MAMDC2: variants seen among roughly 807,000 people sequenced by gnomAD.
MAMDC2 encodes MAM domain containing 2, also known as MAM domain-containing protein 2.
MAMDC2 carries 57 observed loss-of-function variants against 89.8 expected under a neutral mutation model. The observed-to-expected ratio is 0.63, with a 90% CI of 0.51 to 0.79. The LOEUF is 0.79. Ranked by LOEUF, MAMDC2 falls within the 30% of genes least tolerant of loss-of-function variation. The pLI is 0.00. For synonymous variants in MAMDC2, 313 were observed against 293.4 expected (o/e 1.07, Z -0.68); for missense variants, 800 against 820.6 (o/e 0.97, Z 0.31).
chr9:70,104,468 T>C (rs764811552), intron 2 of MAMDC2, among the ~76,000 whole-genome samples: 2 of 152,174 alleles, frequency 1.3e-5, no homozygotes, highest in Admixed American at 6.5e-5. Flanking sequence ...AGTGAAATTT[T>C]TATATACAAA....
chr9:70,163,498 A>T (rs957121187), intron 9 of MAMDC2, among the ~76,000 whole-genome samples: 3 of 152,044 alleles, frequency 2.0e-5, no homozygotes, highest in African/African-American at 7.2e-5. Context: ...AAGTGCTGGG[A>T]TTATAGGCGT....
chr9:70,207,292 T>C (rs1035620274), intron 11 of MAMDC2, among the ~76,000 whole-genome samples: 4 of 151,846 alleles, frequency 2.6e-5, no homozygotes, highest in African/African-American at 7.2e-5. Flanking sequence ...CCAGCACCTT[T>C]TGTTTCCTGA....
At chr9:70,061,524 G>T (rs1013285790) in intron 2 of MAMDC2, among the ~76,000 whole-genome samples, 17 of 152,118 alleles carry the variant, frequency 1.1e-4, no homozygotes, top group African/African-American at 3.9e-4. Context: ...TTCATCCCCT[G>T]TAGGGTCTTA....
rs536151507 is a variant in MAMDC2, at chr9:70,123,210, G to GA, written c.644-2948dup. 1.0e-3 allele frequency among the ~76,000 whole-genome samples: 159 copies of GA among 152,320 alleles called. 1 individual carries two copies. Among genetic ancestry groups the GA allele is most frequent in the Non-Finnish European group, 1.8e-3 (124 of 68,024 alleles). On this transcript the variant is annotated intron_variant, in intron 5 of 13. Coordinates refer to ENST00000377182, the MANE Select transcript of MAMDC2 (RefSeq NM_153267.5). Reference sequence around the variant, plus strand: ...TTTCATTGGTAAGTCATGTTACAAAGAGCAATGAAGACTTCATCTCTGTCT... The same window carrying GA: ...TTTCATTGGTAAGTCATGTTACAAAGAAGCAATGAAGACTTCATCTCTGTCT...
At chr9:70,173,336 CTT>C (rs1175143703) in intron 11 of MAMDC2, among the ~76,000 whole-genome samples, 1 of 152,066 alleles carries the variant, frequency 6.6e-6, no homozygotes, top group African/African-American at 2.4e-5. Flanking sequence ...AGTATTCTGT[CTT>C]ATACACAATA....
At chr9:70,077,124 A>G (rs181534616) in intron 2 of MAMDC2, among the ~76,000 whole-genome samples, 33 of 152,336 alleles carry the variant, frequency 2.2e-4, no homozygotes, top group Middle Eastern at 3.4e-3. Context: ...GGATTAATTT[A>G]TTCTAGGTTC....
chr9:70,056,449 T>C (rs1587429767), intron 2 of MAMDC2, among the ~76,000 whole-genome samples: 1 of 152,358 alleles, frequency 6.6e-6, no homozygotes, highest in East Asian at 1.9e-4. Flanking sequence ...TAAATTCTGG[T>C]GAGGAAAATG....
chr9:70,204,911 A>C (rs2309643), intron 11 of MAMDC2, among the ~76,000 whole-genome samples: 1 of 152,260 alleles, frequency 6.6e-6, no homozygotes, highest in Non-Finnish European at 1.5e-5. Context: ...GCCCTGCTTC[A>C]GCTCGCGCAT....
chr9:70,175,392 G>A (rs2032466578), intron 11 of MAMDC2, among the ~76,000 whole-genome samples: 1 of 152,150 alleles, frequency 6.6e-6, no homozygotes, highest in Admixed American at 6.5e-5. Flanking sequence ...ATAAGAGAAA[G>A]AGCAACGTTC....
intron 2 of MAMDC2, chr9:70,081,732 A>G (rs1411907776): frequency 2.6e-5 from 4 of 152,056 alleles, no homozygotes; most frequent in Non-Finnish European, 4.4e-5. Flanking sequence ...CTTTTAACCA[A>G]TCTCCCAAAG....
At chr9:70,214,782 G>T (rs1369512738) in intron 11 of MAMDC2, among the ~76,000 whole-genome samples, 2 of 152,148 alleles carry the variant, frequency 1.3e-5, no homozygotes, top group African/African-American at 4.8e-5. Flanking sequence ...GAGCCAGTGG[G>T]AATTCCTGAT....
chr9:70,102,656 T>C (rs1828226899), intron 2 of MAMDC2, among the ~76,000 whole-genome samples: 2 of 152,228 alleles, frequency 1.3e-5, no homozygotes, highest in Admixed American at 1.3e-4. Context: ...GTCTGTACTT[T>C]TTGGCAAGAT....
chr9:70,115,318 G>A (rs987920410), intron 5 of MAMDC2, among the ~76,000 whole-genome samples: 2 of 151,620 alleles, frequency 1.3e-5, no homozygotes, highest in Non-Finnish European at 2.9e-5. Flanking sequence ...GCATGTTTAT[G>A]TACTTCCTAC....
intron 11 of MAMDC2, among the ~76,000 whole-genome samples, chr9:70,212,862 T>G (rs1053666937): frequency 3.3e-5 from 5 of 152,158 alleles, no homozygotes; most frequent in Non-Finnish European, 7.4e-5. Context: ...ACTGAAAGCA[T>G]AGTAGACTTC....
At chr9:70,179,925 T>G (rs2032600578) in intron 11 of MAMDC2, among the ~76,000 whole-genome samples, 1 of 150,004 alleles carries the variant, frequency 6.7e-6, no homozygotes, top group East Asian at 2.0e-4. Flanking sequence ...CATGCAGGTT[T>G]GTTACACAGG....
At chr9:70,085,252 G>A (rs1827742631) in intron 2 of MAMDC2, among the ~76,000 whole-genome samples, 1 of 151,966 alleles carries the variant, frequency 6.6e-6, no homozygotes, top group African/African-American at 2.4e-5. Context: ...TTACCGTGGG[G>A]GCATAGACAC....
At chr9:70,124,345 TA>T (rs1296624861) in intron 5 of MAMDC2, among the ~76,000 whole-genome samples, 1 of 152,226 alleles carries the variant, frequency 6.6e-6, no homozygotes, top group Non-Finnish European at 1.5e-5. Context: ...CTCATACACT[TA>T]ATCTGGCTGC....
intron 12 of MAMDC2, among the ~76,000 whole-genome samples, chr9:70,224,485 C>T (rs1365609144): frequency 6.6e-6 from 1 of 152,098 alleles, no homozygotes; most frequent in Non-Finnish European, 1.5e-5. Context: ...CCTAGGGTGC[C>T]ACTGGTACAA....
chr9:70,207,868 G>A (rs997991457), intron 11 of MAMDC2, among the ~76,000 whole-genome samples: 1 of 152,176 alleles, frequency 6.6e-6, no homozygotes, highest in African/African-American at 2.4e-5. Flanking sequence ...AGTTTTCCCA[G>A]CACTATTTAT....
Sources: allele counts gnomAD v4.1 joint callset (sites outside exome capture counted in the v4.1 genomes callset), GRCh38; gene constraint gnomAD v4.1.1; transcripts MANE v1.5; gene names NCBI Gene and HGNC (gene_info 2026-07-23, HGNC 2026-07-21).